CETP: variants seen among roughly 807,000 people sequenced by gnomAD.
The protein encoded by CETP is BPI fold containing family F.
Under a neutral mutation model 66.5 loss-of-function variants are expected in CETP, and 56 were observed. The ratio of observed to expected loss-of-function variants is 0.84; its 90% confidence interval spans 0.68 to 1.05. CETP has a LOEUF of 1.05. Among genes scored for constraint, CETP ranks in the 50% least tolerant of loss-of-function variants. The pLI is 0.00. For missense variants in CETP, 612 were observed against 609.6 expected (o/e 1.00, Z -0.04); for synonymous variants, 251 against 245.7 (o/e 1.02, Z -0.20).
rs751896271 is a variant in CETP at position 56,963,041 on chromosome 16, C to T, written c.150C>T (p.Thr50=). 23 of 1,614,048 alleles carry T rather than the reference C, an allele frequency of 1.4e-5. No individual in the cohort carries two copies. The highest frequency in any genetic ancestry group is 6.6e-5 in the South Asian group (6 of 91,084). ...ACGAGACTGCCAAGGTGATCCAGAC[C>T]GCCTTCCAGCGAGCCAGCTACCCAG... ...LNHETAKVIQ[T]AFQRASYPDI... The change falls in exon 2 of 16, where the codon ACC becomes ACT. Residue 50 remains threonine (T), a synonymous_variant. Transcript: ENST00000200676.
intron 11 of CETP, among the ~76,000 whole-genome samples, 153 bp from the exon 12 acceptor site, chr16:56,981,005 G>A (rs1329305976): frequency 2.0e-5 from 3 of 152,198 alleles, no homozygotes; most frequent in African/African-American, 7.2e-5. Context: ...AACTTTCCTC[G>A]GTTTTCAGAA....
At chr16:56,973,982 C>A (rs1460785834) in intron 9 of CETP, among the ~76,000 whole-genome samples, 1 of 152,162 alleles carries the variant, frequency 6.6e-6, no homozygotes, top group East Asian at 1.9e-4. Flanking sequence ...CTCTTTCATG[C>A]AATGTCTGGA....
In CETP at chr16:56,975,168, C is replaced by G; in HGVS notation, c.981+17C>G. On this transcript the variant is annotated intron_variant, in intron 10 of 15. Coordinates refer to ENST00000200676, the MANE Select transcript of CETP (RefSeq NM_000078.3). Reference sequence around the variant, plus strand: ...TTCCAAGAGGTAACTGCCCCCTGCCCCTGTGTGGGGTTTATCTCACGTACC... The same window carrying G: ...TTCCAAGAGGTAACTGCCCCCTGCCGCTGTGTGGGGTTTATCTCACGTACC... 1 of 1,613,450 alleles carries G rather than the reference C, an allele frequency of 6.2e-7. No homozygotes were observed. The highest frequency in any genetic ancestry group is 8.5e-7 in the Non-Finnish European group (1 of 1,179,376).
At chr16:56,965,673 G>A (rs2056060760) in intron 2 of CETP, among the ~76,000 whole-genome samples, 1 of 152,186 alleles carries the variant, frequency 6.6e-6, no homozygotes, top group East Asian at 1.9e-4. Context: ...CACAGCATGT[G>A]TTTGGTACGT....
chr16:56,969,356 A>G (rs2056090977), intron 2 of CETP, 30 bp from the exon 3 acceptor site: 1 of 1,612,724 alleles, frequency 6.2e-7, no homozygotes, highest in Admixed American at 1.7e-5. Flanking sequence ...ATGACCCCCA[A>G]CATCCTTCCT....
In CETP at chr16:56,962,025, C is replaced by A. The variant is rs1389424544; in HGVS notation, c.46C>A (p.His16Asn). 6.2e-7 allele frequency: 1 copy of A among 1,614,146 alleles called. No individual in the cohort carries two copies. The highest frequency in any genetic ancestry group is 1.3e-5 in the African/African-American group (1 of 75,052). The change falls in exon 1 of 16, where the codon CAT (histidine) becomes AAT (asparagine). Residue 16 changes from histidine to asparagine, a missense_variant. Transcript: ENST00000200676. Reference sequence around the variant, plus strand: ...GACCCTGGCCCTGCTGGGCAATGCCCATGCCTGCTCCAAAGGCACCTCGCA... The same window carrying A: ...GACCCTGGCCCTGCTGGGCAATGCCAATGCCTGCTCCAAAGGCACCTCGCA... ...VLTLALLGNA[H>N]ACSKGTSHEA...
chr16:56,965,008 G>A lies in CETP; in HGVS notation c.233+1884G>A, dbSNP rs569767443. ...CGTGCCTGCAGTCCCAGCTACTCAGGAGGCCAGGGGAGGTCAAGGCTGCGG... is the reference window on the plus strand; with the variant it reads ...CGTGCCTGCAGTCCCAGCTACTCAGAAGGCCAGGGGAGGTCAAGGCTGCGG... On this transcript the variant is annotated intron_variant, in intron 2 of 15. Transcript: ENST00000200676. Among the ~76,000 whole-genome samples, 5 of 152,266 alleles carry A rather than the reference G, an allele frequency of 3.3e-5. No individual in the cohort carries two copies. In the South Asian group the frequency reaches 1.0e-3, roughly 32 times the overall value.
At chr16:56,971,280 C>T (rs767907136) in intron 6 of CETP, 41 bp from the exon 7 acceptor site, 35 of 1,609,410 alleles carry the variant, frequency 2.2e-5, no homozygotes, top group Middle Eastern at 3.3e-4. Flanking sequence ...TGCCTCTGGC[C>T]TCCTTTCCTG....
At chr16:56,966,709 C>T (rs758578812) in intron 2 of CETP, among the ~76,000 whole-genome samples, 5 of 151,992 alleles carry the variant, frequency 3.3e-5, no homozygotes, top group Non-Finnish European at 5.9e-5. Context: ...AAGCGATTCT[C>T]CTGCCTCAAC....
In CETP at chr16:56,968,798, A is replaced by G. The variant is rs12720863; in HGVS notation, c.234-588A>G. 7.8e-3 allele frequency among the ~76,000 whole-genome samples: 1,141 copies of G among 146,650 alleles called. 13 individuals carry two copies. Among genetic ancestry groups the G allele is most frequent in the African/African-American group, 0.028 (1,084 of 39,320 alleles). On this transcript the variant is annotated intron_variant, in intron 2 of 15. Coordinates refer to ENST00000200676, the MANE Select transcript of CETP (RefSeq NM_000078.3). ...TGTTGATCTTTTGGAAAAACCAGCT[A>G]TTGTTTTCACCGATTGTTGTTTTTG...
At chr16:56,981,519 A>C in intron 12 of CETP, 128 bp from the exon 13 acceptor site, 3 of 1,153,408 alleles carry the variant, frequency 2.6e-6, no homozygotes, top group Non-Finnish European at 3.9e-6. Context: ...AAATCTCAAG[A>C]GAGTGCCCCA....
intron 2 of CETP, among the ~76,000 whole-genome samples, chr16:56,965,699 T>C (rs2056061025): frequency 6.6e-6 from 1 of 152,162 alleles, no homozygotes; most frequent in Non-Finnish European, 1.5e-5. Context: ...CCGCTTCTAT[T>C]GTGTCATATT....
intron 2 of CETP, among the ~76,000 whole-genome samples, chr16:56,967,345 CACAA>C (rs1160116053): frequency 2.8e-4 from 40 of 142,726 alleles, no homozygotes; most frequent in African/African-American, 3.5e-4. Flanking sequence ...AATTCTGTCA[CACAA>C]ACAAACAAAC....
chr16:56,982,357 G>T, intron 14 of CETP, 120 bp downstream of exon 14: 1 of 954,434 alleles, frequency 1.0e-6, no homozygotes, highest in South Asian at 1.3e-5. Context: ...GATACTTAGC[G>T]GTCCTGGCCC....
At chr16:56,982,911 A>G (rs576593583) in intron 14 of CETP, among the ~76,000 whole-genome samples, 117 of 152,354 alleles carry the variant, frequency 7.7e-4, no homozygotes, top group African/African-American at 2.6e-3. Context: ...CATCTGAACC[A>G]TGAAGCTAAA....
At chr16:56,968,192 CT>C (rs2141995863) in intron 2 of CETP, among the ~76,000 whole-genome samples, 1 of 151,756 alleles carries the variant, frequency 6.6e-6, no homozygotes, top group African/African-American at 2.4e-5. Context: ...TTTTGTCAAT[CT>C]ATTTTTTTTT....
At chr16:56,969,574 G>A in intron 3 of CETP, 37 bp from the exon 4 acceptor site, 1 of 1,614,232 alleles carries the variant, frequency 6.2e-7, no homozygotes, top group Non-Finnish European at 8.5e-7. Flanking sequence ...TGGGCTGGAG[G>A]GCTGAATGAG....
chr16:56,969,614 G>A lies in CETP; in HGVS notation c.372G>A (p.Leu124=). The A allele has an allele frequency of 6.2e-7, 1 of 1,614,190 alleles. No individual in the cohort carries two copies. Among genetic ancestry groups the A allele is most frequent in the Non-Finnish European group, 8.5e-7 (1 of 1,180,032 alleles). ...LKYGYTTAWW[L]GIDQSIDFEI... is the part of the protein sequence containing the mutation. Reference sequence around the variant, plus strand: ...CTGGGTCCTTGGCTCTTTCCAGGCTGGGTATTGATCAGTCCATTGACTTCG... The same window carrying A: ...CTGGGTCCTTGGCTCTTTCCAGGCTAGGTATTGATCAGTCCATTGACTTCG... Residue 124 remains leucine, a synonymous_variant, in exon 4 of 16, where the codon CTG becomes CTA. Coordinates refer to ENST00000200676, the MANE Select transcript of CETP (RefSeq NM_000078.3).
chr16:56,974,267 CT>C (rs1313308381), intron 9 of CETP, among the ~76,000 whole-genome samples: 3 of 152,196 alleles, frequency 2.0e-5, no homozygotes, highest in Non-Finnish European at 4.4e-5. Flanking sequence ...GGGGAGACCC[CT>C]GTCTCTACAA....
Sources: allele counts gnomAD v4.1 joint callset (sites outside exome capture counted in the v4.1 genomes callset), GRCh38; gene constraint gnomAD v4.1.1; transcripts MANE v1.5; gene names NCBI Gene and HGNC (gene_info 2026-07-23, HGNC 2026-07-21).